Variants in CEP85L observed in about 807,000 individuals in gnomAD.
The protein encoded by CEP85L is centrosomal protein 85L, also known as centrosomal protein of 85 kDa-like.
Under a neutral mutation model 100.3 loss-of-function variants are expected in CEP85L, and 60 were observed. The ratio of observed to expected loss-of-function variants is 0.60; its 90% CI spans 0.49 to 0.74. The LOEUF is 0.74. CEP85L is among the 30% of genes least tolerant of loss of function. The probability of loss-of-function intolerance (pLI) is 0.00; values close to 1 mark genes in which losing one functional copy is unlikely to be tolerated. For synonymous variants in CEP85L, 319 were observed against 322.7 expected (o/e 0.99, Z 0.12); for missense variants, 973 against 936.2 (o/e 1.04, Z -0.51).
At position 118,603,547 on chromosome 6, in the gene CEP85L, C is replaced by T. The variant is rs531321991; in HGVS notation, c.232+28906G>A. 3.9e-4 allele frequency among the ~76,000 whole-genome samples: 60 copies of T among 152,294 alleles called. 1 individual carries two copies. The South Asian group carries it at 0.012, about 32-fold the overall frequency. Reference sequence around the variant, plus strand: ...AATCAGGTAGAGAGAAATAAATATGCTCCAAAGTTTGTTCATAGGAGTACA... The same window carrying T: ...AATCAGGTAGAGAGAAATAAATATGTTCCAAAGTTTGTTCATAGGAGTACA... On this transcript the variant is annotated intron_variant, in intron 2 of 12. Transcript: ENST00000368491.
chr6:118,549,281 G>A (rs1778394930), intron 3 of CEP85L, among the ~76,000 whole-genome samples: 1 of 151,620 alleles, frequency 6.6e-6, no homozygotes, highest in South Asian at 2.1e-4. Context: ...CTCGGATTTA[G>A]AAAGAAAGGA....
chr6:118,483,987 C>A (rs1015416439), intron 6 of CEP85L, 129 bp from the exon 7 acceptor site: 11 of 753,886 alleles, frequency 1.5e-5, no homozygotes, highest in Non-Finnish European at 2.3e-5. Flanking sequence ...CCACTAGCAA[C>A]TCAATTAAGA....
At chr6:118,592,045 C>T (rs1383876005) in intron 2 of CEP85L, among the ~76,000 whole-genome samples, 1 of 152,112 alleles carries the variant, frequency 6.6e-6, no homozygotes, top group East Asian at 1.9e-4. Flanking sequence ...GACCTGCTAC[C>T]ATCTATAAAT....
rs1282271509 is a variant in CEP85L at position 118,461,485 on chromosome 6, T to C, written c.*3920A>G. 1 of 152,056 alleles carries C rather than the reference T, an allele frequency of 6.6e-6. No individual in the cohort carries two copies. 9.4% of individuals were successfully genotyped at this position (152,056 alleles called of 1,614,324 possible). A position where few individuals can be genotyped will look rare whatever the true frequency, so the allele number is the denominator to read the frequency against. Reference sequence around the variant, plus strand: ...TAATCATCAACATTCTTAGAACTCATGTAAAATAGAAATAAATGCTTACTG... The same window carrying C: ...TAATCATCAACATTCTTAGAACTCACGTAAAATAGAAATAAATGCTTACTG... On this transcript the variant is annotated 3_prime_UTR_variant, in exon 13 of 13. Transcript: ENST00000368491.
chr6:118,669,868 A>G (rs1050355854), intron 1 of CEP85L, among the ~76,000 whole-genome samples: 1 of 151,054 alleles, frequency 6.6e-6, no homozygotes, highest in African/African-American at 2.4e-5. Flanking sequence ...AGAGCGCTGA[A>G]TTGACTGTGT....
chr6:118,671,366 T>G (rs190218184), intron 1 of CEP85L, among the ~76,000 whole-genome samples: 1 of 152,334 alleles, frequency 6.6e-6, no homozygotes, highest in East Asian at 1.9e-4. Context: ...TTATGTTAAG[T>G]ATTAAGTATT....
intron 12 of CEP85L, among the ~76,000 whole-genome samples, chr6:118,466,914 T>C (rs1341534885): frequency 6.6e-6 from 1 of 151,936 alleles, no homozygotes; most frequent in Non-Finnish European, 1.5e-5. Flanking sequence ...GGCAGGAATG[T>C]TAGATGTAGT....
chr6:118,508,205 C>A, intron 5 of CEP85L, among the ~76,000 whole-genome samples: 1 of 151,166 alleles, frequency 6.6e-6, no homozygotes, highest in African/African-American at 2.4e-5. Context: ...TTCATTAGTA[C>A]AGACTTGGTG....
Position 118,473,809 on chromosome 6 carries a change from G to A in CEP85L, c.1915-3165C>T, listed in dbSNP as rs189787462. ...TAGTAGAATTTGCTGTCAAATGTGA[G>A]GTAAGTGAGGAGTCAAGGATAAATC... On this transcript the variant is annotated intron_variant, in intron 10 of 12. Transcript: ENST00000368491. Among the ~76,000 whole-genome samples the A allele has an allele frequency of 6.8e-4, 103 of 152,160 alleles. 1 individual carries two copies. The highest frequency in any genetic ancestry group is 1.2e-3 in the Non-Finnish European group (82 of 68,012).
intron 1 of CEP85L, among the ~76,000 whole-genome samples, chr6:118,647,980 G>A (rs190407147): frequency 3.7e-4 from 57 of 152,332 alleles, no homozygotes; most frequent in African/African-American, 1.3e-3. Context: ...TTAGCTGGGC[G>A]CGGTTACTCA....
intron 5 of CEP85L, among the ~76,000 whole-genome samples, chr6:118,495,748 G>A (rs1362672471): frequency 6.6e-6 from 1 of 152,148 alleles, no homozygotes; most frequent in Non-Finnish European, 1.5e-5. Context: ...CAGTTCAAAA[G>A]GTGACATGTG....
chr6:118,496,730 G>C (rs970526861), intron 5 of CEP85L, among the ~76,000 whole-genome samples: 4 of 152,158 alleles, frequency 2.6e-5, no homozygotes, highest in Non-Finnish European at 4.4e-5. Flanking sequence ...ATTTCTTTTA[G>C]AAAAACAGTC....
chr6:118,480,512 A>C lies in CEP85L; in HGVS notation c.1747T>G (p.Leu583Val). Reference sequence around the variant, plus strand: ...AGGCATCTTTCTACTTTTTGTTGCAAACTATTTCAAAAGACAATTATATGA... The same window carrying C: ...AGGCATCTTTCTACTTTTTGTTGCACACTATTTCAAAAGACAATTATATGA... ...EKELVTTVQSLQQKVERCLED... is the reference protein window; with the variant it reads ...EKELVTTVQSVQQKVERCLED... Residue 583 changes from leucine (L) to valine (V), a missense_variant and splice_region_variant, in exon 9 of 13, where the codon TTG becomes GTG. Leu to Val is a conservative substitution (Grantham distance 32, BLOSUM62 1). This residue lies in a region of CEP85L where 890 missense variants were observed against 844.5 expected (regional missense o/e 1.05). Coordinates refer to ENST00000368491, the MANE Select transcript of CEP85L (RefSeq NM_001042475.3). The C allele has an allele frequency of 1.3e-6, 2 of 1,586,256 alleles. No individual in the cohort carries two copies. Among genetic ancestry groups the C allele is most frequent in the Non-Finnish European group, 1.7e-6 (2 of 1,157,738 alleles).
At chr6:118,688,981 A>C (rs62423966) in intron 1 of CEP85L, among the ~76,000 whole-genome samples, 33,876 of 152,206 alleles carry the variant, frequency 0.22, 4,830 homozygotes, top group Non-Finnish European at 0.32. Context: ...CTTCCTTCAA[A>C]TGGAAAGCTC....
At chr6:118,558,646 CACACACACACACACAGAG>C (rs1219931310) in intron 3 of CEP85L, among the ~76,000 whole-genome samples, 7 of 143,330 alleles carry the variant, frequency 4.9e-5, no homozygotes, top group African/African-American at 1.6e-4. Flanking sequence ...CACACACACA[CACACACACACACACAGAG>C]AGAGAGAGAG....
At chr6:118,598,586 A>AG (rs1399180742) in intron 2 of CEP85L, among the ~76,000 whole-genome samples, 1 of 152,208 alleles carries the variant, frequency 6.6e-6, no homozygotes, top group African/African-American at 2.4e-5. Context: ...TGGTGCCACA[A>AG]GCCAATGAAT....
At chr6:118,494,388 C>T (rs1446244912) in intron 5 of CEP85L, among the ~76,000 whole-genome samples, 2 of 152,144 alleles carry the variant, frequency 1.3e-5, no homozygotes, top group Non-Finnish European at 2.9e-5. Flanking sequence ...AAATGCCTGC[C>T]GTCAGGAGAA....
chr6:118,470,691 A>T, intron 10 of CEP85L, 47 bp from the exon 11 acceptor site: 1 of 1,069,250 alleles, frequency 9.4e-7, no homozygotes. Flanking sequence ...TAACATGTAA[A>T]GAAAAATCTC....
At chr6:118,530,797 A>T (rs1407291283) in intron 3 of CEP85L, among the ~76,000 whole-genome samples, 2 of 152,002 alleles carry the variant, frequency 1.3e-5, no homozygotes. Context: ...ACAACTAACT[A>T]GGGAAGTAAA....
Sources: allele counts gnomAD v4.1 joint callset (sites outside exome capture counted in the v4.1 genomes callset), GRCh38; gene constraint gnomAD v4.1.1; regional missense constraint gnomAD v4.1.1; transcripts MANE v1.5; gene names NCBI Gene and HGNC (gene_info 2026-07-23, HGNC 2026-07-21).